CCDC77: variants seen among roughly 807,000 people sequenced by gnomAD.
The protein encoded by CCDC77 is coiled-coil domain containing 77, also known as coiled-coil domain-containing protein 77.
In CCDC77, 56 loss-of-function variants were observed where a neutral mutation model predicts 66.8. The ratio of observed to expected loss-of-function variants is 0.84; its 90% CI spans 0.68 to 1.05. CCDC77 has a LOEUF of 1.05. Among genes scored for constraint, CCDC77 ranks in the 50% least tolerant of loss-of-function variants. The pLI is 0.00. For synonymous variants in CCDC77, 196 were observed against 195.2 expected (o/e 1.00, Z -0.03); for missense variants, 570 against 576.8 (o/e 0.99, Z 0.12).
intron 1 of CCDC77, among the ~76,000 whole-genome samples, chr12:390,693 C>G (rs933069936): frequency 6.6e-6 from 1 of 151,886 alleles, no homozygotes; most frequent in African/African-American, 2.4e-5. Context: ...CTTGGAAGCT[C>G]TATAATCAAG....
intron 4 of CCDC77, among the ~76,000 whole-genome samples, chr12:413,227 C>T (rs1464072405): frequency 2.1e-5 from 3 of 143,458 alleles, no homozygotes; most frequent in Admixed American, 1.4e-4. Flanking sequence ...AGTGAGCAAC[C>T]GTGCCCGGCC....
At chr12:407,141 A>G (rs1204089622) in intron 2 of CCDC77, among the ~76,000 whole-genome samples, 1 of 152,236 alleles carries the variant, frequency 6.6e-6, no homozygotes, top group Non-Finnish European at 1.5e-5. Flanking sequence ...CCCTGTATCT[A>G]AAACAACAAA....
At chr12:416,358 T>G (rs1167005505) in intron 4 of CCDC77, among the ~76,000 whole-genome samples, 1 of 42,762 alleles carries the variant, frequency 2.3e-5, no homozygotes, top group Non-Finnish European at 4.0e-5. Context: ...TGTGTGTGTG[T>G]GTGTGTGTGT....
In CCDC77 at chr12:414,338, C is replaced by T. The variant is rs1945180441; in HGVS notation, c.270+2360C>T. On this transcript the variant is annotated intron_variant, in intron 4 of 12. Coordinates refer to ENST00000239830, the MANE Select transcript of CCDC77 (RefSeq NM_032358.4). Reference sequence around the variant, plus strand: ...AACTCCTGACCTTGTGATCCGCTTGCCTTGGCCTCCTGAAGTGCTGGGATT... The same window carrying T: ...AACTCCTGACCTTGTGATCCGCTTGTCTTGGCCTCCTGAAGTGCTGGGATT... Among the ~76,000 whole-genome samples, 8 of 152,240 alleles carry T rather than the reference C, an allele frequency of 5.3e-5. 1 individual carries two copies. The South Asian group carries it at 1.7e-3, about 32-fold the overall frequency.
At chr12:411,227 G>A (rs1945102986) in intron 3 of CCDC77, among the ~76,000 whole-genome samples, 1 of 151,556 alleles carries the variant, frequency 6.6e-6, no homozygotes, top group Non-Finnish European at 1.5e-5. Context: ...AGGCTGGAGT[G>A]CAATGGCATG....
chr12:441,950 G>A lies in CCDC77; in HGVS notation c.*30G>A. 1 of 1,612,220 alleles carries A rather than the reference G, an allele frequency of 6.2e-7. No individual in the cohort carries two copies. Among genetic ancestry groups the A allele is most frequent in the South Asian group, 1.1e-5 (1 of 90,986 alleles). Reference sequence around the variant, plus strand: ...TACTTTTGGAAATGGCCCCCATTTAGAAGAGGTGTGCTTCTTGAAACCTGA... The same window carrying A: ...TACTTTTGGAAATGGCCCCCATTTAAAAGAGGTGTGCTTCTTGAAACCTGA... On this transcript the variant is annotated 3_prime_UTR_variant, in exon 13 of 13. Transcript: ENST00000239830.
At chr12:397,881 C>T (rs1944849001), upstream of CCDC77, among the ~76,000 whole-genome samples, 1 of 152,074 alleles carries the variant, frequency 6.6e-6, no homozygotes, top group Non-Finnish European at 1.5e-5. Flanking sequence ...CTCCTGACCT[C>T]GTGATCCGCC....
rs770105127 is a variant in CCDC77, at chr12:438,520, A to C, written c.1007A>C (p.His336Pro). The C allele has an allele frequency of 1.2e-6, 2 of 1,613,738 alleles. No individual in the cohort carries two copies. Among genetic ancestry groups the C allele is most frequent in the Non-Finnish European group, 1.7e-6 (2 of 1,179,692 alleles). The stretch of plus-strand genomic sequence containing the variant: ...ATTGGAAAAGTGTTGCCCGTTATGC[A>C]TGAGAGTCACCATGCTCAAAGTGAA... ...DKIGKVLPVM[H>P]ESHHAQSEYI... Residue 336 changes from histidine (H) to proline (P), a missense_variant, in exon 10 of 13, where the codon CAT (histidine) becomes CCT (proline). Transcript: ENST00000239830.
intron 4 of CCDC77, among the ~76,000 whole-genome samples, chr12:416,371 G>GTATATA: frequency 3.6e-5 from 1 of 27,652 alleles, no homozygotes; most frequent in South Asian, 1.2e-3. Context: ...GTGTGTGTGT[G>GTATATA]TGTGTGTATA....
rs987448295 is a variant in CCDC77 at position 418,944 on chromosome 12, C to T, written c.413+308C>T. On this transcript the variant is annotated intron_variant, in intron 5 of 12. Coordinates refer to ENST00000239830, the MANE Select transcript of CCDC77 (RefSeq NM_032358.4). Reference sequence around the variant, plus strand: ...GAACTCTTGGCCTCAAGTGATCCGCCCACCTCAGCCTCCCGAAGTGTTGGG... The same window carrying T: ...GAACTCTTGGCCTCAAGTGATCCGCTCACCTCAGCCTCCCGAAGTGTTGGG... 17 of 271,946 alleles carry T rather than the reference C, an allele frequency of 6.3e-5. No individual in the cohort carries two copies. The Admixed American group carries it at 8.3e-4, about 13-fold the overall frequency. 16.8% of individuals were successfully genotyped at this position (271,946 alleles called of 1,614,324 possible).
chr12:413,372 G>A (rs1015236447), intron 4 of CCDC77, among the ~76,000 whole-genome samples: 1 of 150,590 alleles, frequency 6.6e-6, no homozygotes, highest in African/African-American at 2.4e-5. Context: ...GAGTAGCTGG[G>A]ACTACTGGTG....
Position 441,770 on chromosome 12 carries a change from C to G in CCDC77, c.1321-4C>G. 6.2e-7 allele frequency: 1 copy of G among 1,601,740 alleles called. No homozygotes were observed. Among genetic ancestry groups the G allele is most frequent in the East Asian group, 2.2e-5 (1 of 44,744 alleles). ...CTTTTTTTTTTTTTTTTTCAAACCCCTAGGCAACAGTTAATGCCCGGGCAA... is the reference window on the plus strand; with the variant it reads ...CTTTTTTTTTTTTTTTTTCAAACCCGTAGGCAACAGTTAATGCCCGGGCAA... On this transcript the variant is annotated splice_polypyrimidine_tract_variant and splice_region_variant and intron_variant, in intron 12 of 12. Transcript: ENST00000239830.
At chr12:407,310 CTGTT>C (rs1486296457) in intron 2 of CCDC77, among the ~76,000 whole-genome samples, 1 of 152,164 alleles carries the variant, frequency 6.6e-6, no homozygotes, top group Middle Eastern at 3.2e-3. Context: ...CCAAGTTTGT[CTGTT>C]TGTCATAAAC....
rs375923208 is a variant in CCDC77, at chr12:441,962, T to C, written c.*42T>C. On this transcript the variant is annotated 3_prime_UTR_variant, in exon 13 of 13. Coordinates refer to ENST00000239830, the MANE Select transcript of CCDC77 (RefSeq NM_032358.4). ...TGGCCCCCATTTAGAAGAGGTGTGCTTCTTGAAACCTGAGGACAAGGTCAT... is the reference window on the plus strand; with the variant it reads ...TGGCCCCCATTTAGAAGAGGTGTGCCTCTTGAAACCTGAGGACAAGGTCAT... The C allele has an allele frequency of 2.5e-6, 4 of 1,608,418 alleles. No individual in the cohort carries two copies. The South Asian group carries it at 3.3e-5, about 13-fold the overall frequency.
At chr12:431,825 C>T in intron 7 of CCDC77, 41 bp from the exon 8 acceptor site, 1 of 1,308,486 alleles carries the variant, frequency 7.6e-7, no homozygotes, top group Non-Finnish European at 1.1e-6. Flanking sequence ...CACAGAAAAG[C>T]TGAGTAAAAT....
intron 11 of CCDC77, 47 bp downstream of exon 11, chr12:440,789 C>G: frequency 6.2e-7 from 1 of 1,613,092 alleles, no homozygotes; most frequent in South Asian, 1.1e-5. Flanking sequence ...GTGCAGATGG[C>G]TGGGGAAGAC....
rs141571570 is a variant in CCDC77 at position 427,137 on chromosome 12, C to T, written c.414-1632C>T. Among the ~76,000 whole-genome samples the T allele has an allele frequency of 5.1e-3, 769 of 151,932 alleles. 12 individuals carry two copies. In the East Asian group the frequency reaches 0.061, roughly 12 times the overall value. ...GCATGCGCCTGTAGTCCCAGCTACT[C>T]GGGAGGCTGAAGCAGGAGAATTGCT... On this transcript the variant is annotated intron_variant, in intron 5 of 12. Transcript: ENST00000239830.
chr12:389,374 T>G, exon 1 of CCDC77: 2 of 589,678 alleles, frequency 3.4e-6, no homozygotes, highest in Admixed American at 2.7e-5. Flanking sequence ...GCACGACGCC[T>G]GTGTGTCTGG....
At position 404,634 on chromosome 12, in the gene CCDC77, G is replaced by A. The variant is rs188358274; in HGVS notation, c.-70-877G>A. On this transcript the variant is annotated intron_variant, in intron 1 of 12. Coordinates refer to ENST00000239830, the MANE Select transcript of CCDC77 (RefSeq NM_032358.4). Reference sequence around the variant, plus strand: ...GAGAGGTGAGTGTAGACAACTTTTCGTAGACATGTGCAACAGTGAGGACAG... The same window carrying A: ...GAGAGGTGAGTGTAGACAACTTTTCATAGACATGTGCAACAGTGAGGACAG... Among the ~76,000 whole-genome samples the A allele has an allele frequency of 1.4e-4, 21 of 152,124 alleles. No individual in the cohort carries two copies. In the East Asian group the frequency reaches 2.3e-3, roughly 17 times the overall value.
Sources: gnomAD v4.1 joint callset for allele counts (sites outside exome capture counted in the v4.1 genomes callset) on GRCh38, gnomAD v4.1.1 for gene constraint, MANE v1.5 for transcripts, NCBI Gene and HGNC (gene_info 2026-07-23, HGNC 2026-07-21) for gene names.